The following TBCD variants were observed in gnomAD, a reference collection of about 807,000 sequenced individuals.
TBCD encodes the protein tubulin folding cofactor D.
TBCD carries 105 observed loss-of-function variants against 169.3 expected under a neutral mutation model. The observed-to-expected ratio is 0.62, with a 90% CI of 0.53 to 0.73. The LOEUF is 0.73. Among genes scored for constraint, TBCD ranks in the 30% least tolerant of loss-of-function variants. TBCD has a pLI of 0.00. For synonymous variants in TBCD, 700 were observed against 643.9 expected (o/e 1.09, Z -1.32); for missense variants, 1,444 against 1,600.1 (o/e 0.90, Z 1.66).
chr17:82,868,468 C>A (rs190521272), intron 13 of TBCD, among the ~76,000 whole-genome samples: 1 of 152,302 alleles, frequency 6.6e-6, no homozygotes. Flanking sequence ...GCCCCTCACT[C>A]TGGCGAATTT....
rs1166569039 is a variant in TBCD, at chr17:82,806,631, G to A, written c.1087+620G>A. Among the ~76,000 whole-genome samples the A allele has an allele frequency of 1.3e-5, 2 of 152,064 alleles. No individual in the cohort carries two copies. Among genetic ancestry groups the A allele is most frequent in the African/African-American group, 2.4e-5 (1 of 41,420 alleles). On this transcript the variant is annotated intron_variant, in intron 10 of 38. Transcript: ENST00000355528. The surrounding 1 kb of genome is among the most constrained non-coding windows in gnomAD (Gnocchi z 5.1). ...TCCCTGTGAGGCCCCCATCCTCCCA[G>A]TATCTCCCAGCTTCCTGATGGGCAG...
At chr17:82,842,735 C>T (rs921804574) in intron 13 of TBCD, among the ~76,000 whole-genome samples, 1 of 150,908 alleles carries the variant, frequency 6.6e-6, no homozygotes, top group Non-Finnish European at 1.5e-5. Flanking sequence ...GGCCAGAAAT[C>T]ATTTACCTTC....
intron 37 of TBCD, among the ~76,000 whole-genome samples, chr17:82,940,293 T>G (rs1468088697): frequency 6.6e-6 from 1 of 151,858 alleles, no homozygotes; most frequent in Non-Finnish European, 1.5e-5. Flanking sequence ...AGATCAGGAC[T>G]GAAGCAACCA....
At chr17:82,919,734 C>G (rs773856298) in intron 23 of TBCD, among the ~76,000 whole-genome samples, 8 of 152,116 alleles carry the variant, frequency 5.3e-5, no homozygotes, top group African/African-American at 1.2e-4. Flanking sequence ...TCTCGTGGAA[C>G]AGGAGTTGTC....
intron 17 of TBCD, among the ~76,000 whole-genome samples, chr17:82,899,275 C>A (rs1314808323): frequency 6.7e-6 from 1 of 149,974 alleles, no homozygotes; most frequent in Non-Finnish European, 1.5e-5. Flanking sequence ...GTGTCCTCAG[C>A]GCGTGTGTCC....
intron 13 of TBCD, among the ~76,000 whole-genome samples, chr17:82,855,654 T>A (rs1389000740): frequency 6.6e-6 from 1 of 152,190 alleles, no homozygotes; most frequent in Non-Finnish European, 1.5e-5. Context: ...AAAATAACCA[T>A]TAACTTTAAA....
intron 14 of TBCD, among the ~76,000 whole-genome samples, chr17:82,883,747 C>T (rs1036961810): frequency 4.6e-5 from 7 of 152,234 alleles, no homozygotes; most frequent in Admixed American, 2.6e-4. Flanking sequence ...CCTGTCCAAA[C>T]GCTGCCAGTT....
In TBCD at chr17:82,932,726, C is replaced by T. The variant is rs577616532; in HGVS notation, c.3182C>T (p.Thr1061Met). 1.1e-5 allele frequency: 17 copies of T among 1,613,754 alleles called. No homozygotes were observed. The highest frequency in any genetic ancestry group is 1.7e-4 in the Middle Eastern group (1 of 6,054). Residue 1061 changes from threonine to methionine, a missense_variant, in exon 34 of 39, where the codon ACG becomes ATG. Thr to Met is a moderately conservative substitution (Grantham distance 81, BLOSUM62 -1). Transcript: ENST00000355528. ...LTHGCFDIFT[T>M]EEDHPFAVKL... ...CACGGCTGCTTCGACATCTTCACCACGGAGGAGGAGTGAGGCTCTGCTTTT... is the reference window on the plus strand; with the variant it reads ...CACGGCTGCTTCGACATCTTCACCATGGAGGAGGAGTGAGGCTCTGCTTTT...
At chr17:82,916,367 C>T (rs796432878) in intron 23 of TBCD, among the ~76,000 whole-genome samples, 26 of 152,250 alleles carry the variant, frequency 1.7e-4, no homozygotes, top group African/African-American at 6.3e-4. Flanking sequence ...GCCTCAGCCT[C>T]CCGAGTAGCT....
chr17:82,922,660 T>C lies in TBCD; in HGVS notation c.2179-992T>C, dbSNP rs997839586. Among the ~76,000 whole-genome samples, 4 of 152,246 alleles carry C rather than the reference T, an allele frequency of 2.6e-5. No individual in the cohort carries two copies. Among genetic ancestry groups the C allele is most frequent in the African/African-American group, 9.6e-5 (4 of 41,460 alleles). Reference sequence around the variant, plus strand: ...GATTAATTCACACTGGCCATGATGCTGGTGCACTTTGCCCCTGGGATTGGC... The same window carrying C: ...GATTAATTCACACTGGCCATGATGCCGGTGCACTTTGCCCCTGGGATTGGC... On this transcript the variant is annotated intron_variant, in intron 25 of 38. Transcript: ENST00000355528. This position sits in a 1 kb window ranked among gnomAD's most constrained non-coding sequence, Gnocchi z 4.1.
chr17:82,905,479 G>A (rs1358862763), intron 19 of TBCD, among the ~76,000 whole-genome samples: 1 of 145,348 alleles, frequency 6.9e-6, no homozygotes, highest in Admixed American at 6.8e-5. Context: ...CCCACAGGTC[G>A]TCCGTGTGTG....
intron 13 of TBCD, chr17:82,830,637 A>G (rs1303194945): frequency 1.2e-6 from 2 of 1,613,910 alleles, no homozygotes; most frequent in South Asian, 2.2e-5. Flanking sequence ...CCTGGGTGTT[A>G]CAGGGGTCCT....
Position 82,870,427 on chromosome 17 carries a change from G to A in TBCD, c.1475+47G>A, listed in dbSNP as rs3744160. 405,023 of 1,586,164 alleles carry A rather than the reference G, an allele frequency of 0.26. 53,473 individuals are homozygous for A. The highest frequency in any genetic ancestry group is 0.44 in the East Asian group (19,599 of 44,096). On this transcript the variant is annotated intron_variant, in intron 14 of 38. Transcript: ENST00000355528. The stretch of plus-strand genomic sequence containing the variant: ...CATCGGATGCGCCGTGCCCCCTGAC[G>A]GCGCCGTGTGTCGTTTCCTCCATGA...
At chr17:82,870,133 C>G in intron 13 of TBCD, 91 bp from the exon 14 acceptor site, 2 of 1,561,330 alleles carry the variant, frequency 1.3e-6, no homozygotes, top group Non-Finnish European at 1.7e-6. Context: ...GCACCGTGAC[C>G]GCGCTCCGGC....
rs1232254643 is a variant in TBCD at position 82,874,054 on chromosome 17, G to C, written c.1475+3674G>C. 6.6e-6 allele frequency among the ~76,000 whole-genome samples: 1 copy of C among 152,230 alleles called. No individual in the cohort carries two copies. Among genetic ancestry groups the C allele is most frequent in the Non-Finnish European group, 1.5e-5 (1 of 68,046 alleles). On this transcript the variant is annotated intron_variant, in intron 14 of 38. Transcript: ENST00000355528. The surrounding 1 kb of genome is among the most constrained non-coding windows in gnomAD (Gnocchi z 5.0). ...TTGGAGCAGCTGCCACGTGTGGACC[G>C]GCACGGGCATGGTCGTGGTCTGCCC...
At chr17:82,855,189 G>T (rs1783228838) in intron 13 of TBCD, among the ~76,000 whole-genome samples, 1 of 142,472 alleles carries the variant, frequency 7.0e-6, no homozygotes, top group South Asian at 2.3e-4. Context: ...GGTGCCACCT[G>T]ATGCTTCAAG....
rs766251154 is a variant in TBCD, at chr17:82,932,726, CGGA to C, written c.3190_3191+1del. On this transcript the variant is annotated inframe_deletion, in exon 34 of 39. Transcript: ENST00000355528. The stretch of plus-strand genomic sequence containing the variant: ...CACGGCTGCTTCGACATCTTCACCA[CGGA>C]GGAGGAGTGAGGCTCTGCTTTTCAT... 4.3e-6 allele frequency: 7 copies of C among 1,613,754 alleles called. No homozygotes were observed. The highest frequency in any genetic ancestry group is 2.2e-5 in the East Asian group (1 of 44,884).
rs1357174073 is a variant in TBCD, at chr17:82,890,128, C to T, written c.1563+431C>T. Among the ~76,000 whole-genome samples the T allele has an allele frequency of 6.6e-6, 1 of 152,208 alleles. No homozygotes were observed. Among genetic ancestry groups the T allele is most frequent in the African/African-American group, 2.4e-5 (1 of 41,458 alleles). ...TCCCAGAAGCTACGGACCCCATGAC[C>T]CCACGACCCCACATCATGCTGGGGC... On this transcript the variant is annotated intron_variant, in intron 16 of 38. Transcript: ENST00000355528. This position sits in a 1 kb window ranked among gnomAD's most constrained non-coding sequence, Gnocchi z 5.3.
rs186958880 is a variant in TBCD, at chr17:82,942,576, G to A, written c.*113G>A. ...GTGCCTCCAGCTGTTGAAGGGTAGC[G>A]CTGGCCCTTGGAGGCTGGCACTAGC... On this transcript the variant is annotated 3_prime_UTR_variant, in exon 39 of 39. Transcript: ENST00000355528. The A allele has an allele frequency of 1.6e-4, 243 of 1,472,922 alleles. No individual in the cohort carries two copies. The highest frequency in any genetic ancestry group is 2.1e-4 in the Non-Finnish European group (222 of 1,063,244). The allele number at this position is 1,472,922 out of a possible 1,614,324, so 91.2% of individuals were successfully genotyped here.
Sources: allele counts gnomAD v4.1 joint callset (sites outside exome capture counted in the v4.1 genomes callset), GRCh38; gene constraint gnomAD v4.1.1; non-coding constraint Gnocchi (gnomAD v3.1); transcripts MANE v1.5; gene names NCBI Gene and HGNC (gene_info 2026-07-23, HGNC 2026-07-21).